Variants in CADM2 observed in about 807,000 individuals in gnomAD.
The protein encoded by CADM2 is cell adhesion molecule 2, also known as immunoglobulin superfamily member 4D.
CADM2 carries 12 observed loss-of-function variants against 49.8 expected under a neutral mutation model. The observed-to-expected ratio is 0.24, with a 90% CI of 0.15 to 0.39. CADM2 has a LOEUF of 0.39. Ranked by LOEUF, CADM2 falls within the 10% of genes least tolerant of loss-of-function variation. The probability of loss-of-function intolerance (pLI) is 1.00; values close to 1 mark genes in which losing one functional copy is unlikely to be tolerated. For synonymous variants in CADM2, 214 were observed against 175.4 expected, an observed-to-expected ratio of 1.22 and a Z score of -1.74; for missense variants, 378 against 492.3, an observed-to-expected ratio of 0.77 and a Z score of 2.20.
rs77585622 is a variant in CADM2 at position 86,070,137 on chromosome 3, T to C, written c.*3354T>C. 7 of 152,114 alleles carry C rather than the reference T, an allele frequency of 4.6e-5. No homozygotes were observed. Among genetic ancestry groups the C allele is most frequent in the African/African-American group, 1.2e-4 (5 of 41,566 alleles). 9.4% of individuals were successfully genotyped at this position (152,114 alleles called of 1,614,324 possible). ...TTGATTCATGATGCTTAATCTTTCATTGAAACTCCACAATTAAAATAACAA... is the reference window on the plus strand; with the variant it reads ...TTGATTCATGATGCTTAATCTTTCACTGAAACTCCACAATTAAAATAACAA... On this transcript the variant is annotated 3_prime_UTR_variant, in exon 10 of 10. Transcript: ENST00000383699.
At chr3:85,493,606 T>G (rs75597208) in intron 1 of CADM2, among the ~76,000 whole-genome samples, 3,036 of 152,256 alleles carry the variant, frequency 0.02, 87 homozygotes, top group African/African-American at 0.068. Context: ...TTAAAAAACT[T>G]TATGTCTTTT....
At chr3:85,707,017 A>C (rs1469535542) in intron 1 of CADM2, among the ~76,000 whole-genome samples, 1 of 152,076 alleles carries the variant, frequency 6.6e-6, no homozygotes, top group African/African-American at 2.4e-5. Flanking sequence ...CCCAGGCTGG[A>C]GTGCAGTGGC....
chr3:85,620,703 C>T (rs954022987), intron 1 of CADM2, among the ~76,000 whole-genome samples: 4 of 152,010 alleles, frequency 2.6e-5, no homozygotes, highest in Non-Finnish European at 5.9e-5. Flanking sequence ...ATCTTTTAAA[C>T]AATTATTTGA....
At chr3:85,173,934 G>A (rs1032971620) in intron 1 of CADM2, among the ~76,000 whole-genome samples, 3 of 152,002 alleles carry the variant, frequency 2.0e-5, no homozygotes, top group Non-Finnish European at 4.4e-5. Context: ...CAATATTTAG[G>A]AGAGCTCTTA....
At chr3:85,076,434 G>A (rs555935442) in intron 1 of CADM2, among the ~76,000 whole-genome samples, 131 of 151,578 alleles carry the variant, frequency 8.6e-4, no homozygotes, top group Middle Eastern at 3.4e-3. Flanking sequence ...GGCAACCTCC[G>A]CCTCCAGAGT....
chr3:85,694,285 A>G (rs1395910122), intron 1 of CADM2, among the ~76,000 whole-genome samples: 1 of 152,206 alleles, frequency 6.6e-6, no homozygotes, highest in Non-Finnish European at 1.5e-5. Flanking sequence ...TTAGGAGGAA[A>G]TTAAGATTAA....
chr3:85,792,440 T>G (rs1054900475), intron 2 of CADM2, among the ~76,000 whole-genome samples: 3 of 152,370 alleles, frequency 2.0e-5, no homozygotes, highest in African/African-American at 7.2e-5. Flanking sequence ...AAAGTTTTGC[T>G]TATTTTTAGG....
intron 8 of CADM2, among the ~76,000 whole-genome samples, chr3:86,032,668 T>C (rs1438351269): frequency 6.6e-6 from 1 of 151,830 alleles, no homozygotes; most frequent in Non-Finnish European, 1.5e-5. Flanking sequence ...AAAAATGATA[T>C]TATAATCAGT....
intron 1 of CADM2, among the ~76,000 whole-genome samples, chr3:85,055,147 C>G (rs1038867286): frequency 1.3e-5 from 2 of 151,756 alleles, no homozygotes; most frequent in South Asian, 4.1e-4. Flanking sequence ...CATTCTTACT[C>G]GTAATAATGA....
At chr3:85,928,543 A>G (rs1244964985) in intron 6 of CADM2, among the ~76,000 whole-genome samples, 2 of 152,140 alleles carry the variant, frequency 1.3e-5, no homozygotes, top group Non-Finnish European at 2.9e-5. Flanking sequence ...ATGTCAGACA[A>G]AGGTAAAGCA....
At chr3:85,418,798 T>C (rs1368325249) in intron 1 of CADM2, among the ~76,000 whole-genome samples, 1 of 152,166 alleles carries the variant, frequency 6.6e-6, no homozygotes, top group Non-Finnish European at 1.5e-5. Context: ...CTGGGTATTA[T>C]GAAGTGGTCA....
At chr3:86,013,491 A>C in intron 8 of CADM2, 1 of 1,603,256 alleles carries the variant, frequency 6.2e-7, no homozygotes, top group South Asian at 1.1e-5. Context: ...GGTTCTGAGA[A>C]AGCGCTTTGA....
intron 3 of CADM2, among the ~76,000 whole-genome samples, chr3:85,815,947 A>G (rs1216849483): frequency 1.3e-5 from 2 of 152,194 alleles, no homozygotes; most frequent in African/African-American, 4.8e-5. Context: ...TCAAAATAGC[A>G]TTATTACTAT....
chr3:85,794,303 C>A (rs561360590), intron 2 of CADM2, among the ~76,000 whole-genome samples: 26 of 152,228 alleles, frequency 1.7e-4, no homozygotes, highest in African/African-American at 5.8e-4. Context: ...GTCAAAAGGG[C>A]CCCTGCAAAT....
intron 1 of CADM2, among the ~76,000 whole-genome samples, chr3:85,375,237 A>G (rs2033519869): frequency 6.6e-6 from 1 of 152,216 alleles, no homozygotes; most frequent in South Asian, 2.1e-4. Flanking sequence ...ATACTATGCC[A>G]AATTGATACC....
At chr3:85,250,707 T>A (rs1398935228) in intron 1 of CADM2, among the ~76,000 whole-genome samples, 3 of 151,784 alleles carry the variant, frequency 2.0e-5, no homozygotes, top group Non-Finnish European at 3.0e-5. Flanking sequence ...GTTAAAATGA[T>A]GTTATTGATC....
chr3:85,928,304 G>A (rs539912775), intron 6 of CADM2, among the ~76,000 whole-genome samples: 7 of 152,046 alleles, frequency 4.6e-5, no homozygotes, highest in Admixed American at 1.3e-4. Context: ...GATTACAGGC[G>A]CATGCCATCA....
At chr3:85,860,906 G>T (rs1266683348) in intron 3 of CADM2, among the ~76,000 whole-genome samples, 1 of 152,152 alleles carries the variant, frequency 6.6e-6, no homozygotes, top group Non-Finnish European at 1.5e-5. Flanking sequence ...CACACTCTGA[G>T]GTGCGAATAT....
intron 3 of CADM2, among the ~76,000 whole-genome samples, chr3:85,852,147 G>T (rs1409560208): frequency 6.6e-6 from 1 of 151,972 alleles, no homozygotes; most frequent in African/African-American, 2.4e-5. Flanking sequence ...TGTACAGAGA[G>T]TACTAAGTAT....
Sources: allele counts gnomAD v4.1 joint callset (sites outside exome capture counted in the v4.1 genomes callset), GRCh38; gene constraint gnomAD v4.1.1; transcripts MANE v1.5; gene names NCBI Gene and HGNC (gene_info 2026-07-23, HGNC 2026-07-21).